The following DPP6 variants were observed in gnomAD, a reference collection of about 807,000 sequenced individuals.
DPP6 encodes the protein dipeptidyl peptidase like 6.
A neutral mutation model predicts 122.6 loss-of-function variants in DPP6; 69 were observed. The ratio of observed to expected loss-of-function variants is 0.56; its 90% CI spans 0.46 to 0.69. The LOEUF is 0.69. Among genes scored for constraint, DPP6 ranks in the 30% least tolerant of loss-of-function variants. DPP6 has a pLI of 0.00. For missense variants in DPP6, 928 were observed against 1,116.9 expected, an observed-to-expected ratio of 0.83 and a Z score of 2.41; for synonymous variants, 418 against 433.1, an observed-to-expected ratio of 0.97 and a Z score of 0.43.
chr7:154,103,492 C>G (rs1037941763), intron 1 of DPP6, among the ~76,000 whole-genome samples: 12 of 152,196 alleles, frequency 7.9e-5, no homozygotes, highest in Non-Finnish European at 1.3e-4. Context: ...CAGCTCCCCC[C>G]TCTCCAATTT....
Position 154,360,280 on chromosome 7 carries a change from C to T in DPP6, c.244-85934C>T, listed in dbSNP as rs114319136. ...TGTGGGATTTGTGAGAAAATTCAGC[C>T]ATCTCTAGACCTCCAATTCCAAACC... On this transcript the variant is annotated intron_variant, in intron 1 of 25. Transcript: ENST00000377770. Among the ~76,000 whole-genome samples the T allele has an allele frequency of 1.1e-3, 171 of 152,280 alleles. 3 individuals carry two copies. Among genetic ancestry groups the T allele is most frequent in the African/African-American group, 3.9e-3 (161 of 41,560 alleles).
At chr7:154,786,944 G>A (rs1034861679) in intron 10 of DPP6, among the ~76,000 whole-genome samples, 16 of 152,180 alleles carry the variant, frequency 1.1e-4, no homozygotes, top group Admixed American at 1.0e-3. Flanking sequence ...TGTCCAGGTT[G>A]CTGTGCCCTC....
In DPP6 at chr7:154,803,961, T is replaced by G; in HGVS notation, c.1499+6T>G. 3.1e-6 allele frequency: 5 copies of G among 1,613,056 alleles called. No homozygotes were observed. The highest frequency in any genetic ancestry group is 4.2e-6 in the Non-Finnish European group (5 of 1,179,504). ...GATGAGAAGGGGAATAAGATGTGAG[T>G]GAGAACCAGGGGCCTGCCCCATCTT... On this transcript the variant is annotated splice_donor_region_variant and intron_variant, in intron 14 of 25. Transcript: ENST00000377770.
chr7:154,219,082 G>A (rs546219079), intron 1 of DPP6, among the ~76,000 whole-genome samples: 12 of 152,162 alleles, frequency 7.9e-5, no homozygotes, highest in Non-Finnish European at 1.6e-4. Flanking sequence ...TACTTCCTAA[G>A]ATTATTCACT....
the DPP6 span, among the ~76,000 whole-genome samples, chr7:153,811,404 G>A: frequency 6.6e-6 from 1 of 152,278 alleles, no homozygotes; most frequent in South Asian, 2.1e-4. Context: ...GCAGCCCAAT[G>A]AGAATTGGTG....
chr7:153,792,192 T>C, the DPP6 span, among the ~76,000 whole-genome samples: 4,574 of 125,708 alleles, frequency 0.036, no homozygotes, highest in African/African-American at 0.12. Context: ...TGTTCCTATG[T>C]TGATGTTCAC....
At chr7:154,799,637 T>C (rs1798237564) in intron 12 of DPP6, among the ~76,000 whole-genome samples, 1 of 152,206 alleles carries the variant, frequency 6.6e-6, no homozygotes. Flanking sequence ...AAAAAAACAC[T>C]GGCAAAAATG....
chr7:154,409,583 G>T (rs956500706), intron 1 of DPP6, among the ~76,000 whole-genome samples: 1 of 152,150 alleles, frequency 6.6e-6, no homozygotes, highest in East Asian at 1.9e-4. Flanking sequence ...CAGCTTTGAC[G>T]TGGTCTCCCT....
At chr7:153,853,226 T>C in the DPP6 span, among the ~76,000 whole-genome samples, 5 of 152,242 alleles carry the variant, frequency 3.3e-5, no homozygotes, top group African/African-American at 1.2e-4. Context: ...TCAGGCTTGC[T>C]CCCATGTCTA....
chr7:154,272,647 C>T (rs568279182), intron 1 of DPP6, among the ~76,000 whole-genome samples: 1 of 152,094 alleles, frequency 6.6e-6, no homozygotes, highest in Admixed American at 6.6e-5. Context: ...CTCCATTAGC[C>T]CCAGGAGTGT....
chr7:154,383,307 C>T (rs1379897582), intron 1 of DPP6, among the ~76,000 whole-genome samples: 5 of 152,194 alleles, frequency 3.3e-5, no homozygotes, highest in South Asian at 2.1e-4. Flanking sequence ...CTGAGTACTT[C>T]GCAACTCATA....
chr7:154,857,880 C>T (rs1173351389), intron 17 of DPP6, among the ~76,000 whole-genome samples: 2 of 152,182 alleles, frequency 1.3e-5, no homozygotes, highest in African/African-American at 4.8e-5. Context: ...TGTCCTCTTT[C>T]ACGATTGAAA....
At chr7:154,432,593 G>A (rs188291878) in intron 1 of DPP6, among the ~76,000 whole-genome samples, 7 of 152,314 alleles carry the variant, frequency 4.6e-5, no homozygotes, top group East Asian at 1.9e-4. Context: ...TCTGTCACAC[G>A]TAGATGAACA....
chr7:154,239,357 G>A (rs1801422545), intron 1 of DPP6, among the ~76,000 whole-genome samples: 1 of 152,092 alleles, frequency 6.6e-6, no homozygotes, highest in South Asian at 2.1e-4. Context: ...CTTATATGTG[G>A]ATTTTCTTCT....
At chr7:154,317,718 T>G (rs1807558081) in intron 1 of DPP6, among the ~76,000 whole-genome samples, 1 of 152,250 alleles carries the variant, frequency 6.6e-6, no homozygotes, top group South Asian at 2.1e-4. Flanking sequence ...TAATTAGAAT[T>G]TTTATCATTA....
chr7:154,260,459 C>T (rs35389841), intron 1 of DPP6, among the ~76,000 whole-genome samples: 3 of 151,912 alleles, frequency 2.0e-5, no homozygotes, highest in African/African-American at 7.3e-5. Context: ...CTCTTTCCTC[C>T]TGAGTCCCCA....
chr7:154,286,490 T>C (rs60371933), intron 1 of DPP6, among the ~76,000 whole-genome samples: 13,735 of 152,250 alleles, frequency 0.09, 869 homozygotes, highest in African/African-American at 0.16. Context: ...ATAGCCAGCC[T>C]TCATCTATCA....
intron 1 of DPP6, among the ~76,000 whole-genome samples, chr7:154,196,978 C>T (rs1221486317): frequency 1.3e-5 from 2 of 152,068 alleles, no homozygotes; most frequent in African/African-American, 4.8e-5. Flanking sequence ...CTCCCTTCTC[C>T]TCTTTAATCT....
At chr7:154,791,390 G>A (rs1468978039) in intron 10 of DPP6, among the ~76,000 whole-genome samples, 1 of 152,188 alleles carries the variant, frequency 6.6e-6, no homozygotes, top group Non-Finnish European at 1.5e-5. Flanking sequence ...ACGAAAGAAG[G>A]GCAAAGGGGT....
Sources: allele counts gnomAD v4.1 joint callset (sites outside exome capture counted in the v4.1 genomes callset), GRCh38; gene constraint gnomAD v4.1.1; transcripts MANE v1.5; gene names NCBI Gene and HGNC (gene_info 2026-07-23, HGNC 2026-07-21).